NTM: variants seen among roughly 807,000 people sequenced by gnomAD.
NTM encodes IgLON family member 2.
Under a neutral mutation model 42.1 loss-of-function variants are expected in NTM, and 13 were observed. The ratio of observed to expected loss-of-function variants is 0.31; its 90% CI spans 0.20 to 0.49. The LOEUF is 0.49. NTM is among the 20% of genes least tolerant of loss of function. NTM has a pLI of 0.99. For missense variants in NTM, 373 were observed against 452.8 expected (o/e 0.82, Z 1.60); for synonymous variants, 187 against 179.2 (o/e 1.04, Z -0.35).
At chr11:131,575,301 G>A (rs948444967) in intron 1 of NTM, among the ~76,000 whole-genome samples, 1 of 152,130 alleles carries the variant, frequency 6.6e-6, no homozygotes, top group Non-Finnish European at 1.5e-5. Flanking sequence ...GTGACAGGGA[G>A]CCCCCCGTCA....
At chr11:132,103,398 C>G (rs548246220) in intron 2 of NTM, among the ~76,000 whole-genome samples, 4 of 152,326 alleles carry the variant, frequency 2.6e-5, no homozygotes, top group Admixed American at 6.5e-5. Context: ...GTGGAGCACA[C>G]CACTACAAAT....
chr11:132,051,538 C>T lies in NTM; in HGVS notation c.168-94744C>T, dbSNP rs375845851. On this transcript the variant is annotated intron_variant, in intron 2 of 8. Coordinates refer to ENST00000683400, the MANE Select transcript of NTM (RefSeq NM_001352005.2). ...TTTGGCCACAGGGAGCCTTATCCTT[C>T]TTGGCATATCACTTAATATTTTCCT... Among the ~76,000 whole-genome samples the T allele has an allele frequency of 2.5e-3, 387 of 152,318 alleles. 1 individual carries two copies. The highest frequency in any genetic ancestry group is 8.7e-3 in the African/African-American group (362 of 41,578).
At position 131,608,731 on chromosome 11, in the gene NTM, G is replaced by A. The variant is rs961337747; in HGVS notation, c.82+237843G>A. Among the ~76,000 whole-genome samples, 15 of 150,800 alleles carry A rather than the reference G, an allele frequency of 9.9e-5. No individual in the cohort carries two copies. The South Asian group carries it at 1.3e-3, about 13-fold the overall frequency. On this transcript the variant is annotated intron_variant, in intron 1 of 8. Coordinates refer to ENST00000683400, the MANE Select transcript of NTM (RefSeq NM_001352005.2). ...TTTACATCCCCTCTCTCTCTTTCCC[G>A]TTTTCCCTGTCTCTATTGCTCTCTC...
At chr11:131,919,388 A>G (rs933295306) in intron 2 of NTM, among the ~76,000 whole-genome samples, 3 of 152,150 alleles carry the variant, frequency 2.0e-5, no homozygotes, top group African/African-American at 4.8e-5. Flanking sequence ...GAAACCAAGG[A>G]CTTATTGGGT....
intron 1 of NTM, among the ~76,000 whole-genome samples, chr11:131,486,565 T>C (rs1027624946): frequency 2.6e-5 from 4 of 152,170 alleles, no homozygotes; most frequent in Non-Finnish European, 5.9e-5. Flanking sequence ...GATTCCCAGA[T>C]TGAGTTTTTC....
chr11:132,331,064 G>T (rs934258293), intron 8 of NTM, among the ~76,000 whole-genome samples: 1 of 152,206 alleles, frequency 6.6e-6, no homozygotes, highest in Non-Finnish European at 1.5e-5. Context: ...GCACGCCTGC[G>T]GTTCTCACCT....
chr11:131,656,414 C>T (rs1202259816), intron 1 of NTM, among the ~76,000 whole-genome samples: 1 of 152,206 alleles, frequency 6.6e-6, no homozygotes, highest in Non-Finnish European at 1.5e-5. Context: ...TTCCTTCCTG[C>T]GATGCAGCAT....
At chr11:132,243,819 G>A (rs957396867) in intron 4 of NTM, among the ~76,000 whole-genome samples, 1 of 152,176 alleles carries the variant, frequency 6.6e-6, no homozygotes, top group Non-Finnish European at 1.5e-5. Context: ...GTCCACAAGA[G>A]GGCTATGCAG....
intron 1 of NTM, among the ~76,000 whole-genome samples, chr11:131,580,622 G>A (rs2058324715): frequency 6.6e-6 from 1 of 152,194 alleles, no homozygotes; most frequent in Non-Finnish European, 1.5e-5. Flanking sequence ...GCTAATGGGA[G>A]GGGATGGGAG....
chr11:131,881,030 ATG>A (rs1437832721), intron 1 of NTM, among the ~76,000 whole-genome samples: 1 of 152,162 alleles, frequency 6.6e-6, no homozygotes, highest in East Asian at 1.9e-4. Context: ...GTGTGTCTTC[ATG>A]GAACTTGCCA....
chr11:131,735,623 TCA>T (rs1009858605), intron 1 of NTM, among the ~76,000 whole-genome samples: 1 of 152,212 alleles, frequency 6.6e-6, no homozygotes, highest in African/African-American at 2.4e-5. Flanking sequence ...CAAGAATACA[TCA>T]CTGAGTTCTA....
intron 1 of NTM, among the ~76,000 whole-genome samples, chr11:131,552,831 ATAAT>A (rs1195345277): frequency 1.3e-5 from 2 of 150,888 alleles, no homozygotes; most frequent in East Asian, 3.9e-4. Context: ...AAAAAAAAAA[ATAAT>A]AGCCTCAAGG....
chr11:132,208,537 C>T (rs1308390377), intron 3 of NTM, among the ~76,000 whole-genome samples: 1 of 152,212 alleles, frequency 6.6e-6, no homozygotes, highest in African/African-American at 2.4e-5. Context: ...CTAGATGATT[C>T]TTCCAAGCAT....
chr11:131,674,919 A>G (rs1192877599), intron 1 of NTM, among the ~76,000 whole-genome samples: 1 of 152,212 alleles, frequency 6.6e-6, no homozygotes, highest in Non-Finnish European at 1.5e-5. Flanking sequence ...GGATCTTCAT[A>G]CAGCTACTCA....
At chr11:132,154,095 C>A (rs2072616667) in intron 3 of NTM, among the ~76,000 whole-genome samples, 1 of 152,134 alleles carries the variant, frequency 6.6e-6, no homozygotes, top group South Asian at 2.1e-4. Flanking sequence ...AATATGGTCA[C>A]AGGGCAGAGT....
At chr11:132,067,169 T>C (rs2056635764) in intron 2 of NTM, among the ~76,000 whole-genome samples, 2 of 152,214 alleles carry the variant, frequency 1.3e-5, no homozygotes, top group African/African-American at 2.4e-5. Context: ...TTGCTCATGC[T>C]GGTCTTAAGC....
At chr11:131,737,868 C>T (rs1366238953) in intron 1 of NTM, among the ~76,000 whole-genome samples, 3 of 152,138 alleles carry the variant, frequency 2.0e-5, no homozygotes, top group African/African-American at 7.2e-5. Context: ...GGTTGCCATT[C>T]TCTATATTTT....
chr11:131,806,673 C>T (rs377753043), intron 1 of NTM, among the ~76,000 whole-genome samples: 8 of 152,202 alleles, frequency 5.3e-5, no homozygotes, highest in South Asian at 4.2e-4. Context: ...GAGTGGTTCC[C>T]GGATTTTATG....
intron 1 of NTM, among the ~76,000 whole-genome samples, chr11:131,574,138 G>A (rs1221340639): frequency 6.6e-6 from 1 of 152,162 alleles, no homozygotes; most frequent in African/African-American, 2.4e-5. Context: ...CAGCTCTAAC[G>A]TGCTTAGAGA....
Sources: gnomAD v4.1 joint callset for allele counts (sites outside exome capture counted in the v4.1 genomes callset) on GRCh38, gnomAD v4.1.1 for gene constraint, MANE v1.5 for transcripts, NCBI Gene and HGNC (gene_info 2026-07-23, HGNC 2026-07-21) for gene names.